Variants in CTNNA2 observed in about 807,000 individuals in gnomAD.
The protein encoded by CTNNA2 is catenin alpha-2.
In CTNNA2, 42 loss-of-function variants were observed where a neutral mutation model predicts 101.0. That is an observed-to-expected ratio of 0.42 (90% confidence interval 0.32 to 0.54). The LOEUF is 0.54. Ranked by LOEUF, CTNNA2 falls within the 20% of genes least tolerant of loss-of-function variation. The pLI, the probability that CTNNA2 is intolerant of heterozygous loss-of-function variation, is 0.14. For synonymous variants in CTNNA2, 450 were observed against 456.4 expected (o/e 0.99, Z 0.18); for missense variants, 871 against 1,223.1 (o/e 0.71, Z 4.29).
chr2:79,392,190 C>A (rs1179157867), intron 4 of CTNNA2, among the ~76,000 whole-genome samples: 1 of 152,114 alleles, frequency 6.6e-6, no homozygotes. Context: ...AAGGTTTTGG[C>A]CAAGGTGATG....
At chr2:80,224,682 G>C (rs1160939872) in intron 7 of CTNNA2, among the ~76,000 whole-genome samples, 1 of 151,994 alleles carries the variant, frequency 6.6e-6, no homozygotes, top group Non-Finnish European at 1.5e-5. Context: ...CTGATCTCGT[G>C]ATCTGCTCAC....
chr2:80,148,567 C>G (rs1464713715), intron 7 of CTNNA2, among the ~76,000 whole-genome samples: 1 of 152,222 alleles, frequency 6.6e-6, no homozygotes, highest in African/African-American at 2.4e-5. Flanking sequence ...TGGGCCTTAC[C>G]ACCAAGGCCA....
At chr2:80,399,947 C>A (rs1183099836) in intron 8 of CTNNA2, among the ~76,000 whole-genome samples, 1 of 152,120 alleles carries the variant, frequency 6.6e-6, no homozygotes. Context: ...TTTACTACAC[C>A]CATCCTGGTT....
At chr2:80,155,319 A>C (rs1037776064) in intron 7 of CTNNA2, among the ~76,000 whole-genome samples, 10 of 152,238 alleles carry the variant, frequency 6.6e-5, no homozygotes, top group Non-Finnish European at 5.9e-5. Context: ...CTTTAATATC[A>C]GAAGGAATGT....
chr2:80,390,485 T>C (rs562007346), intron 7 of CTNNA2, among the ~76,000 whole-genome samples: 4 of 152,210 alleles, frequency 2.6e-5, no homozygotes, highest in Non-Finnish European at 4.4e-5. Flanking sequence ...TCCCACATGT[T>C]GCCCTTCTGC....
chr2:79,880,698 T>C (rs1683361475), intron 6 of CTNNA2, among the ~76,000 whole-genome samples: 1 of 125,302 alleles, frequency 8.0e-6, no homozygotes, highest in South Asian at 2.5e-4. Flanking sequence ...CCTATTTGAT[T>C]CTTCTCTCTT....
chr2:80,534,758 G>A (rs893445306), intron 9 of CTNNA2, among the ~76,000 whole-genome samples: 5 of 152,168 alleles, frequency 3.3e-5, no homozygotes, highest in African/African-American at 7.2e-5. Flanking sequence ...ACTTATTCCA[G>A]GGACCTTTCA....
At chr2:79,653,863 C>A (rs1479189955) in intron 2 of CTNNA2, among the ~76,000 whole-genome samples, 1 of 152,144 alleles carries the variant, frequency 6.6e-6, no homozygotes, top group African/African-American at 2.4e-5. Flanking sequence ...ATTCTGACTT[C>A]CACGTAATTG....
At chr2:79,244,392 C>T (rs1212470157) in intron 2 of CTNNA2, among the ~76,000 whole-genome samples, 1 of 152,208 alleles carries the variant, frequency 6.6e-6, no homozygotes, top group Non-Finnish European at 1.5e-5. Context: ...ATCATGTACA[C>T]ACAGACAAAT....
rs149558821 is a variant in CTNNA2, at chr2:80,284,870, A to G, written c.1057-108341A>G. ...TCCAATGGTTGAATAATAGTTGTTT[A>G]TTACTCCACATGGCAATAGGTCTAG... is the stretch of plus-strand genomic sequence containing the variant. On this transcript the variant is annotated intron_variant, in intron 7 of 18. Transcript: ENST00000402739. Among the ~76,000 whole-genome samples the G allele has an allele frequency of 5.5e-4, 83 of 152,234 alleles. No homozygotes were observed. The East Asian group carries it at 0.014, about 26-fold the overall frequency.
intron 7 of CTNNA2, among the ~76,000 whole-genome samples, chr2:80,144,663 C>T (rs2148916197): frequency 6.6e-6 from 1 of 152,298 alleles, no homozygotes; most frequent in South Asian, 2.1e-4. Flanking sequence ...GCCCAAGTCA[C>T]TTCCTATTAA....
At chr2:79,595,290 G>T (rs1011973231) in intron 1 of CTNNA2, among the ~76,000 whole-genome samples, 1 of 152,070 alleles carries the variant, frequency 6.6e-6, no homozygotes, top group Non-Finnish European at 1.5e-5. Flanking sequence ...TTCTACGTAT[G>T]TTCCCGTGGT....
intron 1 of CTNNA2, among the ~76,000 whole-genome samples, chr2:79,629,803 G>A (rs1013406039): frequency 6.6e-6 from 1 of 152,108 alleles, no homozygotes; most frequent in African/African-American, 2.4e-5. Context: ...TCTGAATTTT[G>A]TGATATCTTG....
At chr2:79,448,989 A>G (rs1042316602) in intron 4 of CTNNA2, among the ~76,000 whole-genome samples, 2 of 152,034 alleles carry the variant, frequency 1.3e-5, no homozygotes, top group Non-Finnish European at 2.9e-5. Context: ...ACTCACTGTC[A>G]GTAGGTTTTG....
At chr2:80,621,850 G>A (rs1237466475) in intron 18 of CTNNA2, among the ~76,000 whole-genome samples, 4 of 151,900 alleles carry the variant, frequency 2.6e-5, no homozygotes, top group African/African-American at 4.8e-5. Context: ...ACTTGGAAGT[G>A]AATACAGTAA....
intron 12 of CTNNA2, among the ~76,000 whole-genome samples, chr2:80,565,468 C>T (rs774415454): frequency 2.0e-5 from 3 of 151,806 alleles, no homozygotes; most frequent in Non-Finnish European, 2.9e-5. Context: ...GTACCAACTT[C>T]CCGGTTTTCA....
chr2:79,866,353 T>C (rs951249459), intron 4 of CTNNA2: 1 of 152,272 alleles, frequency 6.6e-6, no homozygotes, highest in Non-Finnish European at 1.5e-5. Context: ...CAAAGAGTTC[T>C]GGCTTTGGTG....
intron 3 of CTNNA2, among the ~76,000 whole-genome samples, chr2:79,778,299 C>T (rs532148847): frequency 4.0e-5 from 6 of 151,588 alleles, no homozygotes; most frequent in Non-Finnish European, 5.9e-5. Context: ...GAGCCGAGAT[C>T]GCATCACTGC....
chr2:80,068,965 G>A (rs1190836688), intron 7 of CTNNA2, among the ~76,000 whole-genome samples: 1 of 152,166 alleles, frequency 6.6e-6, no homozygotes, highest in Non-Finnish European at 1.5e-5. Context: ...ATTCTCCAGA[G>A]AAACAACCAA....
Sources: gnomAD v4.1 joint callset for allele counts (sites outside exome capture counted in the v4.1 genomes callset) on GRCh38, gnomAD v4.1.1 for gene constraint, MANE v1.5 for transcripts, NCBI Gene and HGNC (gene_info 2026-07-23, HGNC 2026-07-21) for gene names.